RPS6KA6: variants seen among roughly 807,000 people sequenced by gnomAD.
RPS6KA6 encodes ribosomal protein S6 kinase alpha-6.
RPS6KA6 carries 27 observed loss-of-function variants against 65.4 expected under a neutral mutation model. That is an observed-to-expected ratio of 0.41 (90% CI 0.30 to 0.57). The LOEUF (loss-of-function observed/expected upper bound fraction) is 0.57. RPS6KA6 is among the 20% of genes least tolerant of loss of function. The probability of loss-of-function intolerance (pLI) is 0.24; values close to 1 mark genes in which losing one functional copy is unlikely to be tolerated. For missense variants in RPS6KA6, 486 were observed against 555.6 expected (o/e 0.87, Z 1.26); for synonymous variants, 190 against 184.2 (o/e 1.03, Z -0.26).
intron 1 of RPS6KA6, among the ~76,000 whole-genome samples, chrX:84,175,029 C>T (rs994386417): frequency 2.7e-4 from 30 of 111,804 alleles, no homozygotes; most frequent in Admixed American, 1.3e-3. Context: ...AATTTCATGA[C>T]GAAGTTACAG....
chrX:84,141,177 C>T, intron 6 of RPS6KA6, among the ~76,000 whole-genome samples: 1 of 110,884 alleles, frequency 9.0e-6, no homozygotes, highest in East Asian at 2.8e-4. Flanking sequence ...AGTATGATTC[C>T]ATTGAAGTAC....
chrX:84,161,302 C>A (rs185569664), intron 2 of RPS6KA6, among the ~76,000 whole-genome samples: 2 of 111,214 alleles, frequency 1.8e-5, no homozygotes, highest in East Asian at 5.6e-4. Context: ...TAAGTTGAAC[C>A]ATCCTGAGTC....
chrX:84,064,425 C>G, intron 21 of RPS6KA6, 23 bp from the exon 22 acceptor site: 1 of 1,119,517 alleles, frequency 8.9e-7, no homozygotes, highest in South Asian at 2.2e-5. Flanking sequence ...GAAAATGCCA[C>G]AAACTAAGTA....
chrX:84,161,003 G>A (rs1383401980), intron 2 of RPS6KA6, among the ~76,000 whole-genome samples: 2 of 110,690 alleles, frequency 1.8e-5, no homozygotes, highest in Non-Finnish European at 3.8e-5. Context: ...ACGAGGGTCA[G>A]CTCCTTAGTT....
chrX:84,082,545 C>A (rs963987202), intron 20 of RPS6KA6, among the ~76,000 whole-genome samples: 2 of 111,852 alleles, frequency 1.8e-5, no homozygotes, highest in African/African-American at 6.5e-5. Context: ...AGATTCAATG[C>A]TATTCCCATC....
chrX:84,178,557 A>G (rs964129720), intron 1 of RPS6KA6, among the ~76,000 whole-genome samples: 3 of 112,113 alleles, frequency 2.7e-5, no homozygotes, highest in Non-Finnish European at 3.8e-5. Flanking sequence ...TTAACACCAT[A>G]TATCTATGCT....
chrX:84,145,544 T>C lies in RPS6KA6; in HGVS notation c.435A>G (p.Glu145=), dbSNP rs2035184070. 8.8e-7 allele frequency: 1 copy of C among 1,129,959 alleles called. No individual in the cohort carries two copies. Among genetic ancestry groups the C allele is most frequent in the African/African-American group, 1.8e-5 (1 of 54,505 alleles). The allele number at this position is 1,129,959 out of a possible 1,213,427, so 93.1% of individuals were successfully genotyped here. A position where few individuals can be genotyped will look rare whatever the true frequency, so the allele number is the denominator to read the frequency against. Reference sequence around the variant, plus strand: ...AATCCAGTATTAAGTACAGTTTCCCTTCAGTCTGAAAGGCTAATTAAAAAT... The same window carrying C: ...AATCCAGTATTAAGTACAGTTTCCCCTCAGTCTGAAAGGCTAATTAAAAAT... ...IVKLHYAFQT[E]GKLYLILDFL... is the part of the protein sequence containing the mutation. The change falls in exon 6 of 22, where the codon GAA becomes GAG. Residue 145 remains glutamate, a synonymous_variant. Coordinates refer to ENST00000262752, the MANE Select transcript of RPS6KA6 (RefSeq NM_014496.5).
At chrX:84,078,968 T>TA (rs944173511) in intron 20 of RPS6KA6, among the ~76,000 whole-genome samples, 13 of 109,760 alleles carry the variant, frequency 1.2e-4, no homozygotes, top group African/African-American at 3.6e-4. Context: ...TATAGTTGCT[T>TA]AAAAAAAAAT....
intron 6 of RPS6KA6, among the ~76,000 whole-genome samples, chrX:84,137,663 G>A (rs942095450): frequency 8.9e-6 from 1 of 111,942 alleles, no homozygotes; most frequent in African/African-American, 3.2e-5. Flanking sequence ...TTTGATGTGT[G>A]AAAATGGCAT....
chrX:84,151,061 T>C lies in RPS6KA6; in HGVS notation c.259-2938A>G, dbSNP rs1165098094. Among the ~76,000 whole-genome samples the C allele has an allele frequency of 5.1e-5, 5 of 97,296 alleles. 1 individual carries two copies. Among genetic ancestry groups the C allele is most frequent in the Non-Finnish European group, 1.0e-4 (5 of 49,282 alleles). 84.5% of individuals were successfully genotyped at this position (97,296 alleles called of 115,157 possible). On this transcript the variant is annotated intron_variant, in intron 3 of 21. Transcript: ENST00000262752. ...GATATATATATAGAGGATAGATATA[T>C]AGAGGATAGATATATAGAGGATAGA...
intron 4 of RPS6KA6, 54 bp downstream of exon 4, chrX:84,147,988 T>C: frequency 1.3e-6 from 1 of 771,484 alleles, no homozygotes; most frequent in Non-Finnish European, 1.9e-6. Flanking sequence ...CACAGCATAT[T>C]TCTTAAACTA....
intron 12 of RPS6KA6, among the ~76,000 whole-genome samples, chrX:84,115,171 A>G (rs918876749): frequency 4.5e-5 from 5 of 112,139 alleles, no homozygotes; most frequent in African/African-American, 1.6e-4. Flanking sequence ...GATGACCTAC[A>G]GAATGGGATA....
chrX:84,081,417 TGAA>T (rs1187030166), intron 20 of RPS6KA6, among the ~76,000 whole-genome samples: 2 of 111,125 alleles, frequency 1.8e-5, no homozygotes, highest in Non-Finnish European at 3.8e-5. Context: ...GATGAAACCA[TGAA>T]GAAGTCGAAT....
chrX:84,176,303 T>G (rs1479958199), intron 1 of RPS6KA6, among the ~76,000 whole-genome samples: 1 of 112,075 alleles, frequency 8.9e-6, no homozygotes, highest in South Asian at 3.7e-4. Flanking sequence ...CACATGCATT[T>G]GGGAAGTTTA....
intron 3 of RPS6KA6, among the ~76,000 whole-genome samples, chrX:84,150,776 G>C (rs1426632919): frequency 9.7e-6 from 1 of 102,843 alleles, no homozygotes; most frequent in African/African-American, 3.5e-5. Context: ...CAAAATATGA[G>C]ACACGGACTA....
chrX:84,174,288 T>A lies in RPS6KA6; in HGVS notation c.82-9901A>T, dbSNP rs1170985845. ...ACTACAATACTCATTTTAAATGATT[T>A]ACTTTGATCCTTTCTGGCTTTCTAA... On this transcript the variant is annotated intron_variant, in intron 1 of 21. Transcript: ENST00000262752. Among the ~76,000 whole-genome samples, 3 of 112,218 alleles carry A rather than the reference T, an allele frequency of 2.7e-5. No individual in the cohort carries two copies. In the Admixed American group the frequency reaches 2.8e-4, roughly 11 times the overall value.
At chrX:84,167,381 C>G (rs757438673) in intron 1 of RPS6KA6, among the ~76,000 whole-genome samples, 1 of 112,070 alleles carries the variant, frequency 8.9e-6, no homozygotes, top group South Asian at 3.7e-4. Context: ...ACTGTTGATA[C>G]TTGTAACAAC....
At chrX:84,130,373 A>G (rs2034875138) in intron 8 of RPS6KA6, among the ~76,000 whole-genome samples, 1 of 112,000 alleles carries the variant, frequency 8.9e-6, no homozygotes. Context: ...AATGCTAGTG[A>G]GGATACAGAT....
At chrX:84,167,732 A>G (rs1486066522) in intron 1 of RPS6KA6, among the ~76,000 whole-genome samples, 2 of 110,865 alleles carry the variant, frequency 1.8e-5, no homozygotes, top group Non-Finnish European at 3.8e-5. Context: ...GGTTGCAAGG[A>G]GTTAGGGATA....
Sources: allele counts gnomAD v4.1 joint callset (sites outside exome capture counted in the v4.1 genomes callset), GRCh38; gene constraint gnomAD v4.1.1; transcripts MANE v1.5; gene names NCBI Gene and HGNC (gene_info 2026-07-23, HGNC 2026-07-21).